NFIB: variants seen among roughly 807,000 people sequenced by gnomAD.
The protein encoded by NFIB is nuclear factor I B, also known as nuclear factor 1 B-type.
NFIB carries 11 observed loss-of-function variants against 61.5 expected under a neutral mutation model. That is an observed-to-expected ratio of 0.18 (90% CI 0.11 to 0.30). The LOEUF (loss-of-function observed/expected upper bound fraction) is 0.30. Among genes scored for constraint, NFIB ranks in the 10% least tolerant of loss-of-function variants. The pLI, the probability that NFIB is intolerant of heterozygous loss-of-function variation, is 1.00. For missense variants in NFIB, 471 were observed against 608.9 expected, an observed-to-expected ratio of 0.77 and a Z score of 2.38; for synonymous variants, 260 against 216.5, an observed-to-expected ratio of 1.20 and a Z score of -1.76.
At chr9:14,424,054 T>C in the NFIB span, among the ~76,000 whole-genome samples, 1 of 152,144 alleles carries the variant, frequency 6.6e-6, no homozygotes, top group Non-Finnish European at 1.5e-5. Flanking sequence ...CTTGTTTACA[T>C]TGAGAGAAGC....
At chr9:14,348,616 GA>G (rs2061064244) in intron 1 of NFIB, among the ~76,000 whole-genome samples, 1 of 152,238 alleles carries the variant, frequency 6.6e-6, no homozygotes. Context: ...CCTGTTGGGG[GA>G]TTCTGCCGCC....
rs558261594 is a variant in NFIB, at chr9:14,369,128, A to T, written c.108+29396T>A. Among the ~76,000 whole-genome samples, 39 of 152,312 alleles carry T rather than the reference A, an allele frequency of 2.6e-4. 1 individual carries two copies. The Middle Eastern group carries it at 0.017, about 66-fold the overall frequency. On this transcript the variant is annotated intron_variant, in intron 1 of 8. Coordinates refer to the NFIB transcript ENST00000380934. ...TATCATTATATTCCCAGACCCCAGA[A>T]TAATGTCTGCCTCAAAGCAGCTAAG...
At chr9:14,107,279 A>G (rs1189661714) in intron 10 of NFIB, among the ~76,000 whole-genome samples, 1 of 151,930 alleles carries the variant, frequency 6.6e-6, no homozygotes, top group African/African-American at 2.4e-5. Context: ...TGGTCAGAAT[A>G]AAATTGTGTT....
chr9:14,371,271 GGT>G, intron 1 of NFIB, among the ~76,000 whole-genome samples: 1 of 152,160 alleles, frequency 6.6e-6, no homozygotes, highest in African/African-American at 2.4e-5. Context: ...TTGGACATGA[GGT>G]TTTACTTTTA....
In NFIB at chr9:14,120,770, G is replaced by T; in HGVS notation, c.1061-146C>A. The T allele has an allele frequency of 1.3e-6, 1 of 769,080 alleles. No homozygotes were observed. The highest frequency in any genetic ancestry group is 2.0e-6 in the Non-Finnish European group (1 of 493,652). The allele number at this position is 769,080 out of a possible 1,614,324, so 47.6% of individuals were successfully genotyped here. A position where few individuals can be genotyped will look rare whatever the true frequency, so the allele number is the denominator to read the frequency against. On this transcript the variant is annotated intron_variant, in intron 7 of 10. Coordinates refer to ENST00000380953, the MANE Select transcript of NFIB (RefSeq NM_001190737.2). The surrounding 1 kb of genome is among the most constrained non-coding windows in gnomAD (Gnocchi z 4.4). ...TTAACCAAGCTCTCCTAAATCAACA[G>T]TTACTTTTTCATTTTTATTCTCAAC... is the stretch of plus-strand genomic sequence containing the variant.
the NFIB span, among the ~76,000 whole-genome samples, chr9:14,510,445 T>C: frequency 6.6e-6 from 1 of 152,232 alleles, no homozygotes; most frequent in South Asian, 2.1e-4. Flanking sequence ...TTTGTGTGTG[T>C]ATGACAAAAG....
intron 6 of NFIB, among the ~76,000 whole-genome samples, chr9:14,134,873 G>A (rs1391705474): frequency 1.4e-5 from 2 of 140,154 alleles, no homozygotes; most frequent in African/African-American, 2.7e-5. Flanking sequence ...TCTCCAGCCT[G>A]GGTGACAGGG....
intron 2 of NFIB, among the ~76,000 whole-genome samples, chr9:14,201,235 C>T (rs529080602): frequency 2.0e-4 from 31 of 152,320 alleles, no homozygotes; most frequent in African/African-American, 6.5e-4. Flanking sequence ...CTTAAAACAC[C>T]TTGGTGGCTT....
chr9:14,155,786 A>G (rs1471521073), intron 4 of NFIB, 39 bp downstream of exon 4: 2 of 1,258,940 alleles, frequency 1.6e-6, no homozygotes, highest in Non-Finnish European at 2.3e-6. Flanking sequence ...ATTTTAAATC[A>G]TACTGCATGC....
rs140976750 is a variant in NFIB at position 14,379,985 on chromosome 9, AT to A, written c.108+18538del. 3.3e-3 allele frequency among the ~76,000 whole-genome samples: 481 copies of A among 147,888 alleles called. 2 individuals are homozygous for A. The highest frequency in any genetic ancestry group is 8.6e-3 in the African/African-American group (349 of 40,522). On this transcript the variant is annotated intron_variant, in intron 1 of 8. Transcript: ENST00000380934. ...GGTGTGAGCCACCGCACCCAGTCAG[AT>A]TTTTTTTTTTTAATTGAAGAAAACA...
the NFIB span, among the ~76,000 whole-genome samples, chr9:14,470,267 T>C: frequency 6.6e-6 from 1 of 152,132 alleles, no homozygotes; most frequent in Non-Finnish European, 1.5e-5. Flanking sequence ...ACTCTGTGTG[T>C]CTGCTCCATT....
chr9:14,487,362 G>C, the NFIB span, among the ~76,000 whole-genome samples: 1 of 152,214 alleles, frequency 6.6e-6, no homozygotes, highest in South Asian at 2.1e-4. Context: ...AATTAATTTA[G>C]GGAAAGCATG....
At chr9:14,503,124 ATG>A in the NFIB span, among the ~76,000 whole-genome samples, 399 of 148,134 alleles carry the variant, frequency 2.7e-3, 1 homozygote, top group African/African-American at 7.8e-3. Context: ...ATGTGTGTGT[ATG>A]TGTGTGTGTG....
the NFIB span, among the ~76,000 whole-genome samples, chr9:14,531,576 C>T: frequency 1.4e-4 from 22 of 152,104 alleles, no homozygotes; most frequent in South Asian, 8.3e-4. Flanking sequence ...TGTTTTAAGA[C>T]CAATGCAAGA....
chr9:14,300,958 A>T (rs184193274), intron 2 of NFIB, among the ~76,000 whole-genome samples: 2 of 152,356 alleles, frequency 1.3e-5, no homozygotes, highest in East Asian at 1.9e-4. Context: ...AAAAGCAAAA[A>T]GTTAATGGAG....
chr9:14,299,765 A>G (rs2059649642), intron 2 of NFIB, among the ~76,000 whole-genome samples: 2 of 152,236 alleles, frequency 1.3e-5, no homozygotes, highest in African/African-American at 2.4e-5. Flanking sequence ...CTATCATCAT[A>G]AACAGAATAT....
At chr9:14,285,168 G>C (rs1403650102) in intron 2 of NFIB, among the ~76,000 whole-genome samples, 1 of 152,106 alleles carries the variant, frequency 6.6e-6, no homozygotes, top group African/African-American at 2.4e-5. Flanking sequence ...TGACACCCAG[G>C]CTGGAGCACA....
intron 1 of NFIB, among the ~76,000 whole-genome samples, chr9:14,360,545 T>C (rs2061226038): frequency 6.7e-6 from 1 of 148,198 alleles, no homozygotes; most frequent in Non-Finnish European, 1.5e-5. Context: ...TTTCTGTTTT[T>C]TTCTTTTTTT....
intron 2 of NFIB, among the ~76,000 whole-genome samples, chr9:14,257,671 G>A (rs150135787): frequency 0.011 from 1,626 of 152,188 alleles, 17 homozygotes; most frequent in South Asian, 0.049. Flanking sequence ...CAGGAGAATC[G>A]CTTGAACCCG....
Sources: allele counts gnomAD v4.1 joint callset (sites outside exome capture counted in the v4.1 genomes callset), GRCh38; gene constraint gnomAD v4.1.1; non-coding constraint Gnocchi (gnomAD v3.1); transcripts MANE v1.5; gene names NCBI Gene and HGNC (gene_info 2026-07-23, HGNC 2026-07-21).